RBFOX1: variants seen among roughly 807,000 people sequenced by gnomAD.
RBFOX1 encodes RNA binding protein fox-1 homolog 1.
Under a neutral mutation model 57.7 loss-of-function variants are expected in RBFOX1, and 8 were observed. That is an observed-to-expected ratio of 0.14 (90% CI 0.08 to 0.25). RBFOX1 has a LOEUF of 0.25. RBFOX1 is among the 10% of genes least tolerant of loss of function. The pLI is 1.00. For missense variants in RBFOX1, 611 were observed against 548.5 expected (o/e 1.11, Z -1.14); for synonymous variants, 326 against 222.4 (o/e 1.47, Z -4.15).
chr16:7,366,961 C>T (rs1017445996), intron 4 of RBFOX1, among the ~76,000 whole-genome samples: 4 of 152,018 alleles, frequency 2.6e-5, no homozygotes, highest in Non-Finnish European at 4.4e-5. Flanking sequence ...TTGAAATGAT[C>T]GATTGTACTT....
rs77510443 is a variant in RBFOX1 at position 6,410,296 on chromosome 16, T to C, written c.-64+93239T>C. On this transcript the variant is annotated intron_variant, in intron 2 of 15. Coordinates refer to ENST00000550418, the MANE Select transcript of RBFOX1 (RefSeq NM_018723.4). ...GGGGTGTCCTGCTGAAACGATGACCTAGGGTTCTTTTTTTTTTTTTTTTTT... is the reference window on the plus strand; with the variant it reads ...GGGGTGTCCTGCTGAAACGATGACCCAGGGTTCTTTTTTTTTTTTTTTTTT... Among the ~76,000 whole-genome samples, 1,906 of 142,834 alleles carry C rather than the reference T, an allele frequency of 0.013. 133 individuals carry two copies. In the East Asian group the frequency reaches 0.2, roughly 15 times the overall value. 93.7% of individuals were successfully genotyped at this position (142,834 alleles called of 152,430 possible).
chr16:6,716,226 G>A (rs2064792467), intron 3 of RBFOX1, among the ~76,000 whole-genome samples: 1 of 152,180 alleles, frequency 6.6e-6, no homozygotes, highest in Non-Finnish European at 1.5e-5. Context: ...GCAAGAAATT[G>A]CTTCTCTTAG....
chr16:6,568,127 C>T (rs2153942502), intron 2 of RBFOX1, among the ~76,000 whole-genome samples: 1 of 152,200 alleles, frequency 6.6e-6, no homozygotes, highest in South Asian at 2.1e-4. Context: ...TATCTAATAC[C>T]ATGTAACAAA....
chr16:7,497,055 C>G (rs975060580), intron 4 of RBFOX1, among the ~76,000 whole-genome samples: 7 of 152,128 alleles, frequency 4.6e-5, no homozygotes, highest in African/African-American at 1.7e-4. Flanking sequence ...CTTTTCCTGT[C>G]TCCAGCCTAC....
chr16:7,704,729 G>T (rs181025057), intron 14 of RBFOX1, among the ~76,000 whole-genome samples: 2 of 152,242 alleles, frequency 1.3e-5, no homozygotes, highest in South Asian at 2.1e-4. Context: ...GAAGGGGTAG[G>T]GATGAAGTTG....
Position 5,528,397 on chromosome 16 carries a change from G to A in RBFOX1, c.258+61143G>A, listed in dbSNP as rs531504809. Among the ~76,000 whole-genome samples, 11 of 152,190 alleles carry A rather than the reference G, an allele frequency of 7.2e-5. No homozygotes were observed. The East Asian group carries it at 7.7e-4, about 11-fold the overall frequency. On this transcript the variant is annotated intron_variant, in intron 2 of 2. Coordinates refer to the RBFOX1 transcript ENST00000585867. ...TTAGGAGTATGTGTTGCACATTTAC[G>A]TTGTGTTAACTCTGTGCTTGGCACC...
At chr16:6,338,041 AT>A (rs1174345304) in intron 2 of RBFOX1, among the ~76,000 whole-genome samples, 2 of 152,204 alleles carry the variant, frequency 1.3e-5, no homozygotes, top group Admixed American at 6.5e-5. Context: ...ACTTTGGACA[AT>A]TTTATCCAGA....
chr16:5,413,439 T>C (rs1160726970), intron 1 of RBFOX1, among the ~76,000 whole-genome samples: 3 of 152,192 alleles, frequency 2.0e-5, no homozygotes, highest in Non-Finnish European at 4.4e-5. Flanking sequence ...GCTATTTAAA[T>C]TCAAATAATT....
intron 4 of RBFOX1, among the ~76,000 whole-genome samples, chr16:7,234,471 A>G (rs2093665715): frequency 6.6e-6 from 1 of 152,040 alleles, no homozygotes; most frequent in Admixed American, 6.5e-5. Context: ...CTCATCAGTG[A>G]AGAAGGGGGA....
At chr16:6,952,124 C>A (rs1032969028) in intron 3 of RBFOX1, among the ~76,000 whole-genome samples, 1 of 152,118 alleles carries the variant, frequency 6.6e-6, no homozygotes, top group African/African-American at 2.4e-5. Flanking sequence ...TTTAATATTT[C>A]CCCACAAGTG....
chr16:6,688,015 C>T (rs1390009129), intron 3 of RBFOX1, among the ~76,000 whole-genome samples: 1 of 152,224 alleles, frequency 6.6e-6, no homozygotes, highest in Non-Finnish European at 1.5e-5. Context: ...AAGCACTGTG[C>T]TATGCACCTC....
intron 3 of RBFOX1, among the ~76,000 whole-genome samples, chr16:6,952,438 G>A (rs1277213353): frequency 6.6e-6 from 1 of 152,102 alleles, no homozygotes; most frequent in African/African-American, 2.4e-5. Context: ...CTTGAGCCCA[G>A]GAGTTTGAGA....
At chr16:5,405,120 A>G (rs1296473311) in intron 1 of RBFOX1, among the ~76,000 whole-genome samples, 1 of 152,196 alleles carries the variant, frequency 6.6e-6, no homozygotes, top group Non-Finnish European at 1.5e-5. Flanking sequence ...AAGTGTCAGA[A>G]TGGGGATTTG....
intron 1 of RBFOX1, chr16:5,365,994 TA>T: frequency 2.0e-6 from 1 of 500,034 alleles, no homozygotes; most frequent in East Asian, 5.3e-5. Flanking sequence ...GGCAGTGAAT[TA>T]GAAGGCAGTC....
At chr16:6,190,880 T>A (rs1287103747) in intron 1 of RBFOX1, among the ~76,000 whole-genome samples, 1 of 152,146 alleles carries the variant, frequency 6.6e-6, no homozygotes, top group Non-Finnish European at 1.5e-5. Flanking sequence ...ACCATATGCC[T>A]CTCCATCTTG....
intron 9 of RBFOX1, among the ~76,000 whole-genome samples, chr16:7,599,467 A>G (rs1336511659): frequency 6.6e-6 from 1 of 152,044 alleles, no homozygotes; most frequent in Non-Finnish European, 1.5e-5. Flanking sequence ...ATTTTTTAAC[A>G]CAATTCAAAG....
chr16:5,288,188 A>T (rs1191495466), intron 1 of RBFOX1, among the ~76,000 whole-genome samples: 1 of 152,236 alleles, frequency 6.6e-6, no homozygotes, highest in African/African-American at 2.4e-5. Flanking sequence ...GAGCCCAGGA[A>T]GCAAATCAGT....
At position 5,987,422 on chromosome 16, in the gene RBFOX1, C is replaced by T. The variant is rs1038389728; in HGVS notation, c.351+120087C>T. Among the ~76,000 whole-genome samples the T allele has an allele frequency of 2.6e-5, 4 of 152,264 alleles. No individual in the cohort carries two copies. In the East Asian group the frequency reaches 5.8e-4, roughly 22 times the overall value. On this transcript the variant is annotated intron_variant, in intron 4 of 19. Transcript: ENST00000641259. ...AATTTATGAATTTTTAAAAATGGAT[C>T]ATGTTTTGGCCTGAAAGCTCTTTGC...
In RBFOX1 at chr16:6,766,933, G is replaced by T. The variant is rs369068155; in HGVS notation, c.-16+112283G>T. On this transcript the variant is annotated intron_variant, in intron 3 of 15. Transcript: ENST00000550418. Reference sequence around the variant, plus strand: ...GACCTGGCATGAAGCTCTGAATGCAGCCCGTGGTACTAGCCCTTGGTAAGT... The same window carrying T: ...GACCTGGCATGAAGCTCTGAATGCATCCCGTGGTACTAGCCCTTGGTAAGT... Among the ~76,000 whole-genome samples the T allele has an allele frequency of 4.6e-5, 7 of 152,112 alleles. 1 individual carries two copies. The East Asian group carries it at 1.2e-3, about 25-fold the overall frequency.
Sources: allele counts gnomAD v4.1 joint callset (sites outside exome capture counted in the v4.1 genomes callset), GRCh38; gene constraint gnomAD v4.1.1; transcripts MANE v1.5; gene names NCBI Gene and HGNC (gene_info 2026-07-23, HGNC 2026-07-21).